Variants in PIK3R3 observed in about 807,000 individuals in gnomAD.
The protein encoded by PIK3R3 is phosphatidylinositol 3-kinase regulatory subunit gamma.
PIK3R3 carries 64 observed loss-of-function variants against 62.9 expected under a neutral mutation model. That is an observed-to-expected ratio of 1.02 (90% confidence interval 0.83 to 1.25). The LOEUF is 1.25. Among genes scored for constraint, PIK3R3 ranks in the 50% most tolerant of loss-of-function variants. The pLI is 0.00. For missense variants in PIK3R3, 614 were observed against 561.6 expected (o/e 1.09, Z -0.94); for synonymous variants, 165 against 189.0 (o/e 0.87, Z 1.04).
chr1:46,172,623 G>A, the PIK3R3 span, among the ~76,000 whole-genome samples: 2 of 152,192 alleles, frequency 1.3e-5, no homozygotes, highest in Non-Finnish European at 2.9e-5. Flanking sequence ...CCAGGAGACT[G>A]AGGCTGCAGT....
chr1:46,156,081 T>A, the PIK3R3 span, among the ~76,000 whole-genome samples: 1 of 152,184 alleles, frequency 6.6e-6, no homozygotes, highest in African/African-American at 2.4e-5. Flanking sequence ...GTAAAACGTG[T>A]ATCTTAAAAT....
At chr1:46,049,269 T>C (rs9782966) in intron 7 of PIK3R3, among the ~76,000 whole-genome samples, 2,362 of 152,138 alleles carry the variant, frequency 0.016, 59 homozygotes, top group African/African-American at 0.054. Context: ...AAAATATGTA[T>C]TATATAGTGT....
chr1:46,065,745 A>G lies in PIK3R3; in HGVS notation c.621+309T>C, dbSNP rs1225992281. Among the ~76,000 whole-genome samples, 6 of 152,240 alleles carry G rather than the reference A, an allele frequency of 3.9e-5. No individual in the cohort carries two copies. The South Asian group carries it at 6.2e-4, about 16-fold the overall frequency. On this transcript the variant is annotated intron_variant, in intron 5 of 9. Transcript: ENST00000262741. The stretch of plus-strand genomic sequence containing the variant: ...CAAAGCATCAAGACAGAAAATGTCT[A>G]TAAGTTCTGAGGATGGTGGAGTTAC...
At chr1:46,122,881 C>T (rs947725617) in intron 1 of PIK3R3, among the ~76,000 whole-genome samples, 1 of 151,862 alleles carries the variant, frequency 6.6e-6, no homozygotes, top group African/African-American at 2.4e-5. Context: ...TAGTTGGATC[C>T]ATGGGCCTAA....
chr1:46,105,382 C>G (rs1653102474), intron 1 of PIK3R3, among the ~76,000 whole-genome samples: 3 of 152,070 alleles, frequency 2.0e-5, no homozygotes, highest in African/African-American at 4.8e-5. Flanking sequence ...ACCTGTAATC[C>G]TAGCTACTTG....
intron 7 of PIK3R3, among the ~76,000 whole-genome samples, chr1:46,047,540 C>A (rs1037156446): frequency 6.6e-6 from 1 of 151,890 alleles, no homozygotes; most frequent in Non-Finnish European, 1.5e-5. Context: ...ACACTTTGTT[C>A]CTTTCAGATG....
chr1:46,066,781 T>C (rs1305105992), intron 4 of PIK3R3, 130 bp downstream of exon 4: 1 of 776,330 alleles, frequency 1.3e-6, no homozygotes, highest in Non-Finnish European at 2.2e-6. Flanking sequence ...ACAGAGACCC[T>C]GTCTCAAAGT....
At chr1:46,062,110 C>T (rs746780014) in intron 5 of PIK3R3, 39 bp from the exon 6 acceptor site, 1 of 1,549,902 alleles carries the variant, frequency 6.5e-7, no homozygotes, top group African/African-American at 1.4e-5. Context: ...GCTTCATTAT[C>T]TTTATTATTT....
the PIK3R3 span, among the ~76,000 whole-genome samples, chr1:46,153,738 C>G: frequency 6.6e-6 from 1 of 152,238 alleles, no homozygotes; most frequent in East Asian, 1.9e-4. Context: ...AGAGAGTGTA[C>G]TATCACCATT....
At chr1:46,098,806 T>A (rs966702581) in intron 1 of PIK3R3, among the ~76,000 whole-genome samples, 2 of 152,174 alleles carry the variant, frequency 1.3e-5, no homozygotes, top group African/African-American at 4.8e-5. Flanking sequence ...GTTCAAGCGA[T>A]CCTCCCACAT....
At chr1:46,157,967 C>A in the PIK3R3 span, among the ~76,000 whole-genome samples, 1 of 152,192 alleles carries the variant, frequency 6.6e-6, no homozygotes, top group Non-Finnish European at 1.5e-5. Flanking sequence ...TTGGGCAATT[C>A]CTACATGCTC....
chr1:46,148,581 C>CT, the PIK3R3 span, among the ~76,000 whole-genome samples: 1 of 152,152 alleles, frequency 6.6e-6, no homozygotes, highest in African/African-American at 2.4e-5. Context: ...TTGGCCAGGC[C>CT]TAGGTCATGT....
At chr1:46,145,360 G>A in the PIK3R3 span, among the ~76,000 whole-genome samples, 2 of 100,182 alleles carry the variant, frequency 2.0e-5, no homozygotes, top group South Asian at 2.9e-4. Context: ...ACCTGAGGCT[G>A]GATAACTTTT....
At chr1:46,067,277 T>TATATATAA (rs368368491) in intron 3 of PIK3R3, among the ~76,000 whole-genome samples, 186 bp from the exon 4 acceptor site, 142 of 147,330 alleles carry the variant, frequency 9.6e-4, no homozygotes, top group South Asian at 2.3e-3. Flanking sequence ...TATATATATA[T>TATATATAA]AATTCATTTT....
chr1:46,058,166 C>G (rs1317691849), intron 6 of PIK3R3, among the ~76,000 whole-genome samples: 1 of 152,234 alleles, frequency 6.6e-6, no homozygotes, highest in Non-Finnish European at 1.5e-5. Flanking sequence ...GTCTTGGCAG[C>G]TTCCATGTGG....
At chr1:46,071,712 A>AAAAAAAAAAAATATAT (rs1472807815) in intron 3 of PIK3R3, among the ~76,000 whole-genome samples, 1 of 24,644 alleles carries the variant, frequency 4.1e-5, no homozygotes, top group East Asian at 7.0e-4. Flanking sequence ...AAAAAAAAAA[A>AAAAAAAAAAAATATAT]ATATATATAT....
chr1:46,170,703 G>A, the PIK3R3 span, among the ~76,000 whole-genome samples: 2 of 152,130 alleles, frequency 1.3e-5, no homozygotes, highest in African/African-American at 4.8e-5. Flanking sequence ...TTACAGGCGC[G>A]AGCCACCGCG....
At chr1:46,168,183 T>TA in the PIK3R3 span, among the ~76,000 whole-genome samples, 238 of 151,426 alleles carry the variant, frequency 1.6e-3, 1 homozygote, top group African/African-American at 5.2e-3. Context: ...AAATTAAATT[T>TA]AAAAAAAAAT....
intron 3 of PIK3R3, among the ~76,000 whole-genome samples, chr1:46,073,608 C>T (rs1649745467): frequency 6.6e-6 from 1 of 151,932 alleles, no homozygotes; most frequent in Admixed American, 6.6e-5. Flanking sequence ...GCCAACTAAC[C>T]AAATAAACCG....
Sources: allele counts gnomAD v4.1 joint callset (sites outside exome capture counted in the v4.1 genomes callset), GRCh38; gene constraint gnomAD v4.1.1; transcripts MANE v1.5; gene names NCBI Gene and HGNC (gene_info 2026-07-23, HGNC 2026-07-21).